The following FBXL2 variants were observed in gnomAD, a reference collection of about 807,000 sequenced individuals.
FBXL2 encodes the protein F-box and leucine rich repeat protein 2.
Under a neutral mutation model 69.2 loss-of-function variants are expected in FBXL2, and 38 were observed. The ratio of observed to expected loss-of-function variants is 0.55; its 90% CI spans 0.42 to 0.72. The LOEUF (loss-of-function observed/expected upper bound fraction) is 0.72, where lower values mean the gene tolerates loss of function less well. Among genes scored for constraint, FBXL2 ranks in the 30% least tolerant of loss-of-function variants. The pLI is 0.00. For synonymous variants in FBXL2, 192 were observed against 201.3 expected, an observed-to-expected ratio of 0.95 and a Z score of 0.39; for missense variants, 354 against 520.3, an observed-to-expected ratio of 0.68 and a Z score of 3.11.
At chr3:33,347,559 T>C (rs980316914) in intron 2 of FBXL2, among the ~76,000 whole-genome samples, 3 of 152,174 alleles carry the variant, frequency 2.0e-5, no homozygotes, top group Non-Finnish European at 4.4e-5. Context: ...CTGGATCATA[T>C]GGGAGCTCTG....
chr3:33,373,043 T>C, intron 5 of FBXL2, 49 bp from the exon 6 acceptor site: 1 of 1,524,330 alleles, frequency 6.6e-7, no homozygotes, highest in Non-Finnish European at 9.1e-7. Flanking sequence ...TGCCCTCTAG[T>C]GGCTGTCCAG....
At chr3:33,288,197 C>T (rs2034848317) in intron 1 of FBXL2, among the ~76,000 whole-genome samples, 3 of 152,224 alleles carry the variant, frequency 2.0e-5, no homozygotes, top group Non-Finnish European at 4.4e-5. Flanking sequence ...AAGGTTCAAA[C>T]TCAGATTTCC....
the FBXL2 span, chr3:33,414,023 A>C: frequency 6.6e-6 from 1 of 152,234 alleles, no homozygotes; most frequent in Non-Finnish European, 1.5e-5. Context: ...TCAGATGAAA[A>C]CAGTATTAGA....
Position 33,385,795 on chromosome 3 carries a change from CAATCA to C in FBXL2, c.*195_*199del, listed in dbSNP as rs1257379256. On this transcript the variant is annotated 3_prime_UTR_variant, in exon 15 of 15. Transcript: ENST00000484457. ...TTTTCACCTTTATTCTGCTGTGAAA[CAATCA>C]AATCAAAGCCTTGTGTCAGTTAACA... is the stretch of plus-strand genomic sequence containing the variant. 5.5e-5 allele frequency: 33 copies of C among 596,284 alleles called. 1 individual carries two copies. The East Asian group carries it at 9.3e-4, about 17-fold the overall frequency. The allele number at this position is 596,284 out of a possible 1,614,324, so 36.9% of individuals were successfully genotyped here.
chr3:33,339,398 C>T (rs2039841417), intron 2 of FBXL2, among the ~76,000 whole-genome samples: 1 of 152,152 alleles, frequency 6.6e-6, no homozygotes, highest in Non-Finnish European at 1.5e-5. Flanking sequence ...ACAGAACTAC[C>T]ATTCAGCATG....
intron 2 of FBXL2, among the ~76,000 whole-genome samples, chr3:33,316,266 C>T (rs1197780073): frequency 6.6e-6 from 1 of 152,006 alleles, no homozygotes; most frequent in Non-Finnish European, 1.5e-5. Context: ...CCTTGTTGGC[C>T]AGGCTGGTCT....
At chr3:33,318,019 G>C (rs547822021) in intron 2 of FBXL2, among the ~76,000 whole-genome samples, 1 of 152,084 alleles carries the variant, frequency 6.6e-6, no homozygotes, top group Non-Finnish European at 1.5e-5. Flanking sequence ...CAGGTTTCTG[G>C]GTTTTTTTTG....
intron 2 of FBXL2, among the ~76,000 whole-genome samples, chr3:33,333,654 G>GT (rs955662258): frequency 2.0e-5 from 3 of 152,148 alleles, no homozygotes; most frequent in Admixed American, 6.5e-5. Flanking sequence ...ATACCTAGGG[G>GT]TGGGTGCCTG....
intron 2 of FBXL2, among the ~76,000 whole-genome samples, chr3:33,318,240 GGTT>G (rs2125786189): frequency 1.3e-5 from 2 of 152,204 alleles, no homozygotes; most frequent in East Asian, 3.9e-4. Flanking sequence ...TACAGGTCTT[GGTT>G]GTTCTGTTTA....
chr3:33,311,574 C>G (rs1039310433), intron 2 of FBXL2, among the ~76,000 whole-genome samples: 1 of 151,830 alleles, frequency 6.6e-6, no homozygotes, highest in Non-Finnish European at 1.5e-5. Context: ...TGCTGAAGCT[C>G]TCTGTAGAAT....
intron 5 of FBXL2, among the ~76,000 whole-genome samples, chr3:33,368,694 C>T (rs73049578): frequency 0.13 from 19,126 of 151,686 alleles, 1,701 homozygotes; most frequent in East Asian, 0.41. Context: ...GAGTTCAAGC[C>T]ATTCTCCTCA....
At chr3:33,374,695 C>T (rs186770785) in intron 9 of FBXL2, among the ~76,000 whole-genome samples, 2 of 151,940 alleles carry the variant, frequency 1.3e-5, no homozygotes, top group South Asian at 4.2e-4. Flanking sequence ...TATAGATGTG[C>T]GTGTTTATTT....
intron 1 of FBXL2, among the ~76,000 whole-genome samples, chr3:33,284,785 G>C (rs906437615): frequency 1.7e-4 from 26 of 152,134 alleles, no homozygotes; most frequent in South Asian, 4.1e-4. Context: ...GAATTGATCC[G>C]TTTACCATTA....
At chr3:33,297,456 A>G (rs1376367113) in intron 1 of FBXL2, among the ~76,000 whole-genome samples, 1 of 152,110 alleles carries the variant, frequency 6.6e-6, no homozygotes, top group Admixed American at 6.5e-5. Context: ...TCAAATGGCC[A>G]TGTATTGCCA....
chr3:33,331,266 A>T (rs991601994), intron 2 of FBXL2, among the ~76,000 whole-genome samples: 3 of 87,912 alleles, frequency 3.4e-5, no homozygotes, highest in East Asian at 6.9e-4. Flanking sequence ...CAAGTAAAAC[A>T]GAGAAGTAAA....
chr3:33,399,638 T>C (rs775397216), intron 12 of FBXL2, among the ~76,000 whole-genome samples: 2 of 152,134 alleles, frequency 1.3e-5, no homozygotes, highest in Non-Finnish European at 2.9e-5. Flanking sequence ...TGCCAAGGAC[T>C]AGGGATGGTG....
chr3:33,392,201 T>C (rs2043795129), downstream of FBXL2: 1 of 185,016 alleles, frequency 5.4e-6, no homozygotes. Context: ...ACTTAACATA[T>C]TGGGAATTTT....
At chr3:33,409,884 T>C in the FBXL2 span, among the ~76,000 whole-genome samples, 3 of 152,178 alleles carry the variant, frequency 2.0e-5, no homozygotes, top group African/African-American at 4.8e-5. Context: ...AACACTACAG[T>C]AGCTTCCTAT....
chr3:33,336,673 G>T (rs373880267), intron 2 of FBXL2, among the ~76,000 whole-genome samples: 1 of 152,184 alleles, frequency 6.6e-6, no homozygotes, highest in African/African-American at 2.4e-5. Context: ...TTGGGAGACC[G>T]AGGTGGGTGG....
Sources: gnomAD v4.1 joint callset for allele counts (sites outside exome capture counted in the v4.1 genomes callset) on GRCh38, gnomAD v4.1.1 for gene constraint, MANE v1.5 for transcripts, NCBI Gene and HGNC (gene_info 2026-07-23, HGNC 2026-07-21) for gene names.